RBBP6: variants seen among roughly 807,000 people sequenced by gnomAD.
RBBP6 encodes the protein E3 ubiquitin-protein ligase RBBP6.
RBBP6 carries 25 observed loss-of-function variants against 167.7 expected under a neutral mutation model. The ratio of observed to expected loss-of-function variants is 0.15; its 90% CI spans 0.11 to 0.21. The LOEUF (loss-of-function observed/expected upper bound fraction) is 0.21, where lower values mean the gene tolerates loss of function less well. Among genes scored for constraint, RBBP6 ranks in the 10% least tolerant of loss-of-function variants. RBBP6 has a pLI of 1.00. For synonymous variants in RBBP6, 789 were observed against 735.8 expected (o/e 1.07, Z -1.17); for missense variants, 1,868 against 2,134.2 (o/e 0.88, Z 2.46).
At chr16:24,570,642 G>A in intron 17 of RBBP6, 143 bp downstream of exon 17, 2 of 887,642 alleles carry the variant, frequency 2.3e-6, no homozygotes, top group Non-Finnish European at 3.2e-6. Context: ...TGTTGTCTTT[G>A]AAGAAGGGAA....
At chr16:24,556,199 G>A in intron 6 of RBBP6, 109 bp from the exon 7 acceptor site, 2 of 884,928 alleles carry the variant, frequency 2.3e-6, no homozygotes, top group Non-Finnish European at 3.5e-6. Flanking sequence ...GATCACATAT[G>A]TAAAGCACTA....
intron 16 of RBBP6, 23 bp from the exon 17 acceptor site, chr16:24,568,722 C>T: frequency 6.3e-7 from 1 of 1,586,814 alleles, no homozygotes; most frequent in South Asian, 1.2e-5. Context: ...CAACTATCAA[C>T]TATTGTTTTG....
intron 5 of RBBP6, 26 bp from the exon 6 acceptor site, chr16:24,555,795 C>A (rs1416569386): frequency 6.3e-7 from 1 of 1,584,098 alleles, no homozygotes; most frequent in Non-Finnish European, 8.7e-7. Context: ...TCCTCGTATA[C>A]ATGTAATTTT....
chr16:24,570,019 TGAA>T lies in RBBP6; in HGVS notation c.3334_3336del (p.Lys1112del), dbSNP rs752572318. 24 of 1,601,404 alleles carry T rather than the reference TGAA, an allele frequency of 1.5e-5. No homozygotes were observed. Among genetic ancestry groups the T allele is most frequent in the African/African-American group, 2.7e-5 (2 of 73,372 alleles). On this transcript the variant is annotated inframe_deletion, in exon 17 of 18. Coordinates refer to ENST00000319715, the MANE Select transcript of RBBP6 (RefSeq NM_006910.5). ...ACAAAACCAGTCAAAGAGGAAAAAG[TGAA>T]GAAGGACTATTCCAAAGATGTCAAA...
rs1282008517 is a variant in RBBP6, at chr16:24,550,480, GACT to G, written c.303+1501_303+1503del. Among the ~76,000 whole-genome samples, 16 of 150,738 alleles carry G rather than the reference GACT, an allele frequency of 1.1e-4. No homozygotes were observed. In the East Asian group the frequency reaches 3.1e-3, roughly 30 times the overall value. ...TCCAAATGCTAGCATAAATTAGATT[GACT>G]ATCCTGGTGACTGTAGTAGTTAATG... is the stretch of plus-strand genomic sequence containing the variant. On this transcript the variant is annotated intron_variant, in intron 3 of 17. Coordinates refer to ENST00000319715, the MANE Select transcript of RBBP6 (RefSeq NM_006910.5).
intron 3 of RBBP6, chr16:24,549,443 T>G (rs1898743787): frequency 1.1e-6 from 1 of 869,908 alleles, no homozygotes; most frequent in South Asian, 5.3e-5. Flanking sequence ...TTTTTGTTAG[T>G]TTTTTTTTTC....
intron 14 of RBBP6, among the ~76,000 whole-genome samples, chr16:24,566,605 G>C (rs560957646): frequency 2.0e-5 from 3 of 152,124 alleles, no homozygotes; most frequent in Non-Finnish European, 4.4e-5. Flanking sequence ...GCTGGGCATG[G>C]TGGCACACGT....
chr16:24,552,569 T>A (rs1800013657), intron 3 of RBBP6, among the ~76,000 whole-genome samples: 1 of 151,868 alleles, frequency 6.6e-6, no homozygotes, highest in Admixed American at 6.6e-5. Context: ...ATGAAAAAAA[T>A]TAGTGTTCAA....
Position 24,552,412 on chromosome 16 carries a change from C to G in RBBP6, c.304-1101C>G, listed in dbSNP as rs1596503193. On this transcript the variant is annotated intron_variant, in intron 3 of 17. Coordinates refer to ENST00000319715, the MANE Select transcript of RBBP6 (RefSeq NM_006910.5). ...TGATCCAGACATCTTGTTACATTCT[C>G]CATTTTAAATGAAGAGTTCTGACCT... 4.0e-5 allele frequency among the ~76,000 whole-genome samples: 6 copies of G among 151,812 alleles called. No homozygotes were observed. In the South Asian group the frequency reaches 1.2e-3, roughly 31 times the overall value.
intron 1 of RBBP6, among the ~76,000 whole-genome samples, chr16:24,541,262 C>T (rs959410046): frequency 2.0e-5 from 3 of 149,200 alleles, no homozygotes; most frequent in East Asian, 2.0e-4. Flanking sequence ...AATTTTATGT[C>T]CTGCCTTCCT....
At chr16:24,553,812 C>G (rs1898854423) in intron 4 of RBBP6, 3 of 247,980 alleles carry the variant, frequency 1.2e-5, no homozygotes, top group Admixed American at 5.3e-5. Context: ...ATTTTTTTTC[C>G]CTCATACATT....
chr16:24,544,110 C>CACAGT (rs1898574339), intron 1 of RBBP6, among the ~76,000 whole-genome samples: 1 of 152,188 alleles, frequency 6.6e-6, no homozygotes, highest in African/African-American at 2.4e-5. Flanking sequence ...TTTAGTTTGA[C>CACAGT]ACAGTACGGT....
intron 4 of RBBP6, 118 bp from the exon 5 acceptor site, chr16:24,555,496 GC>G (rs1898891334): frequency 1.3e-6 from 1 of 760,544 alleles, no homozygotes; most frequent in Non-Finnish European, 2.2e-6. Flanking sequence ...CGTGTAAATA[GC>G]TGTTTTTATG....
rs368297919 is a variant in RBBP6 at position 24,555,801 on chromosome 16, AT to A, written c.438-12del. 6.0e-4 allele frequency: 954 copies of A among 1,589,668 alleles called. 4 individuals carry two copies. Among genetic ancestry groups the A allele is most frequent in the South Asian group, 1.5e-3 (140 of 90,428 alleles). On this transcript the variant is annotated intron_variant, in intron 5 of 17. Transcript: ENST00000319715. Reference sequence around the variant, plus strand: ...TTTTCAAAGTCCTCGTATACATGTAATTTTTTTTCCCCCTTTTAGTTACATG... The same window carrying A: ...TTTTCAAAGTCCTCGTATACATGTAATTTTTTTCCCCCTTTTAGTTACATG...
intron 3 of RBBP6, chr16:24,549,438 G>C (rs558453023): frequency 1.1e-6 from 1 of 940,412 alleles, no homozygotes; most frequent in East Asian, 1.1e-4. Flanking sequence ...CTTAGTTTTT[G>C]TTAGTTTTTT....
chr16:24,561,582 T>A (rs1211606323), intron 8 of RBBP6, 30 bp from the exon 9 acceptor site: 9 of 1,565,834 alleles, frequency 5.7e-6, no homozygotes, highest in Non-Finnish European at 7.9e-6. Context: ...CCTACTATGC[T>A]TTTATTAATA....
At chr16:24,568,195 A>C (rs7200471) in intron 16 of RBBP6, among the ~76,000 whole-genome samples, 23,909 of 152,216 alleles carry the variant, frequency 0.16, 1,947 homozygotes, top group South Asian at 0.21. Context: ...TAGCCAAAAA[A>C]CAGTTCCCAG....
rs1200351191 is a variant in RBBP6, at chr16:24,541,190, AAAC to A, written c.166+401_166+403del. ...TTGTTTGTTCAATCAGCAAAAAAAA[AAAC>A]AAAAAAAAAACCAAAAAAACAATTT... On this transcript the variant is annotated intron_variant, in intron 1 of 17. Coordinates refer to ENST00000319715, the MANE Select transcript of RBBP6 (RefSeq NM_006910.5). 6.1e-5 allele frequency among the ~76,000 whole-genome samples: 5 copies of A among 82,144 alleles called. 1 individual carries two copies. Among genetic ancestry groups the A allele is most frequent in the Non-Finnish European group, 1.3e-4 (5 of 39,004 alleles). The allele number at this position is 82,144 out of a possible 152,430, so 53.9% of individuals were successfully genotyped here.
chr16:24,555,547 G>A, intron 4 of RBBP6, 68 bp from the exon 5 acceptor site: 1 of 1,201,254 alleles, frequency 8.3e-7, no homozygotes, highest in Non-Finnish European at 1.2e-6. Context: ...GATGAGTGGT[G>A]TTGTCTTTGG....
Sources: allele counts gnomAD v4.1 joint callset (sites outside exome capture counted in the v4.1 genomes callset), GRCh38; gene constraint gnomAD v4.1.1; transcripts MANE v1.5; gene names NCBI Gene and HGNC (gene_info 2026-07-23, HGNC 2026-07-21).